RPS6KA2: variants seen among roughly 807,000 people sequenced by gnomAD.
RPS6KA2 encodes ribosomal protein S6 kinase alpha-2.
A neutral mutation model predicts 91.8 loss-of-function variants in RPS6KA2; 42 were observed. The observed-to-expected ratio is 0.46, with a 90% CI of 0.36 to 0.59. RPS6KA2 has a LOEUF of 0.59. RPS6KA2 is among the 20% of genes least tolerant of loss of function. RPS6KA2 has a pLI of 0.00. For missense variants in RPS6KA2, 798 were observed against 978.5 expected, an observed-to-expected ratio of 0.82 and a Z score of 2.46; for synonymous variants, 414 against 393.6, an observed-to-expected ratio of 1.05 and a Z score of -0.61.
intron 2 of RPS6KA2, among the ~76,000 whole-genome samples, chr6:166,808,629 A>G (rs1779552745): frequency 6.6e-6 from 1 of 152,232 alleles, no homozygotes; most frequent in South Asian, 2.1e-4. Flanking sequence ...GTCTTGCACA[A>G]AAGAACCACG....
intron 11 of RPS6KA2, among the ~76,000 whole-genome samples, chr6:166,469,375 A>T (rs1277022155): frequency 1.4e-5 from 2 of 144,512 alleles, no homozygotes; most frequent in African/African-American, 5.2e-5. Context: ...CATCAGCTTG[A>T]CTAACGATGG....
At chr6:166,469,994 G>A in intron 10 of RPS6KA2, 89 bp from the exon 11 acceptor site, 1 of 1,199,954 alleles carries the variant, frequency 8.3e-7, no homozygotes, top group Non-Finnish European at 1.2e-6. Flanking sequence ...GGGTGGGGAT[G>A]TGCAGAGGTG....
At position 166,606,172 on chromosome 6, in the gene RPS6KA2, C is replaced by T. The variant is rs931057154; in HGVS notation, c.99+20749G>A. 4.6e-5 allele frequency among the ~76,000 whole-genome samples: 7 copies of T among 152,202 alleles called. No homozygotes were observed. The South Asian group carries it at 8.3e-4, about 18-fold the overall frequency. On this transcript the variant is annotated intron_variant, in intron 1 of 20. Coordinates refer to ENST00000265678, the MANE Select transcript of RPS6KA2 (RefSeq NM_021135.6). Reference sequence around the variant, plus strand: ...TGAAAATAAAATGGTGCACACCATACAAGACTATTTAAATAGACCAGACTT... The same window carrying T: ...TGAAAATAAAATGGTGCACACCATATAAGACTATTTAAATAGACCAGACTT...
Position 166,475,712 on chromosome 6 carries a change from T to C in RPS6KA2, c.908-5807A>G, listed in dbSNP as rs950204805. 4 of 515,998 alleles carry C rather than the reference T, an allele frequency of 7.8e-6. No homozygotes were observed. The African/African-American group carries it at 7.8e-5, about 10-fold the overall frequency. 32.0% of individuals were successfully genotyped at this position (515,998 alleles called of 1,614,324 possible). A position where few individuals can be genotyped will look rare whatever the true frequency, so the allele number is the denominator to read the frequency against. On this transcript the variant is annotated intron_variant, in intron 10 of 20. Transcript: ENST00000265678. Reference sequence around the variant, plus strand: ...CACACACGAAGGCAGGGGGATTCAGTCTAGAACTCTTTTGAACGAAGACAT... The same window carrying C: ...CACACACGAAGGCAGGGGGATTCAGCCTAGAACTCTTTTGAACGAAGACAT...
At chr6:166,745,060 G>A (rs1428518595) in intron 2 of RPS6KA2, among the ~76,000 whole-genome samples, 2 of 152,092 alleles carry the variant, frequency 1.3e-5, no homozygotes, top group Non-Finnish European at 2.9e-5. Context: ...GGCTTCTAGG[G>A]GGACCTTGCT....
At chr6:166,482,931 GTTGCC>G (rs1781283856) in intron 10 of RPS6KA2, among the ~76,000 whole-genome samples, 1 of 152,172 alleles carries the variant, frequency 6.6e-6, no homozygotes, top group Non-Finnish European at 1.5e-5. Flanking sequence ...TTTTAAATTA[GTTGCC>G]TCCCAAAAGG....
At chr6:166,539,849 C>T (rs935473146) in intron 1 of RPS6KA2, among the ~76,000 whole-genome samples, 4 of 152,230 alleles carry the variant, frequency 2.6e-5, no homozygotes, top group Non-Finnish European at 5.9e-5. Flanking sequence ...TTTATCTCTG[C>T]ATTTCTCTGA....
intron 11 of RPS6KA2, chr6:166,463,656 CAG>C (rs1328738394): frequency 6.6e-6 from 1 of 152,190 alleles, no homozygotes; most frequent in East Asian, 1.9e-4. Flanking sequence ...ACATAGGAAA[CAG>C]ATGCTAGTTT....
intron 2 of RPS6KA2, among the ~76,000 whole-genome samples, chr6:166,722,424 T>G (rs528756052): frequency 1.2e-3 from 178 of 152,302 alleles, no homozygotes; most frequent in Non-Finnish European, 2.4e-3. Context: ...GCTCCCCTTA[T>G]CTTATTGTAT....
upstream of RPS6KA2, among the ~76,000 whole-genome samples, chr6:166,630,545 T>C (rs1787044713): frequency 6.6e-6 from 1 of 152,248 alleles, no homozygotes; most frequent in Admixed American, 6.5e-5. Context: ...ATCACCAGGG[T>C]CACCTGGTGC....
intron 10 of RPS6KA2, among the ~76,000 whole-genome samples, chr6:166,481,981 T>G (rs563790258): frequency 1.3e-5 from 2 of 151,592 alleles, no homozygotes; most frequent in Non-Finnish European, 2.9e-5. Flanking sequence ...GATGGCAGAC[T>G]GCACGTATAC....
intron 20 of RPS6KA2, 30 bp downstream of exon 20, chr6:166,413,764 C>T: frequency 1.2e-6 from 2 of 1,610,148 alleles, no homozygotes; most frequent in East Asian, 2.2e-5. Context: ...CCATTCCCAC[C>T]ACTCTGTCCT....
chr6:166,557,097 C>A lies in RPS6KA2; in HGVS notation c.100-18313G>T, dbSNP rs895499476. The stretch of plus-strand genomic sequence containing the variant: ...GCCTCGCCAAACACGTTTTCTCTTC[C>A]TGTTACCCAGTGCCAAGTGGCTGTG... On this transcript the variant is annotated intron_variant, in intron 1 of 20. Transcript: ENST00000265678. This position sits in a 1 kb window ranked among gnomAD's most constrained non-coding sequence, Gnocchi z 4.8. 2.6e-5 allele frequency among the ~76,000 whole-genome samples: 4 copies of A among 152,226 alleles called. No homozygotes were observed. The highest frequency in any genetic ancestry group is 9.6e-5 in the African/African-American group (4 of 41,462).
intron 1 of RPS6KA2, among the ~76,000 whole-genome samples, chr6:166,592,212 A>G (rs6907098): frequency 0.14 from 21,488 of 152,176 alleles, 1,807 homozygotes; most frequent in East Asian, 0.26. Context: ...AGGGTCATGG[A>G]GAAATCAACA....
chr6:166,672,395 G>A, intron 2 of RPS6KA2, among the ~76,000 whole-genome samples: 1 of 152,138 alleles, frequency 6.6e-6, no homozygotes, highest in East Asian at 1.9e-4. Context: ...GTCAACCCAC[G>A]GATGCTAATT....
Position 166,849,403 on chromosome 6 carries a change from C to T in RPS6KA2, c.123+8797G>A, listed in dbSNP as rs73788169. ...TGCGAGGATGCTAAAATATAAGATT[C>T]GTGCTGTCTTCTTTTTCATAGAATC... On this transcript the variant is annotated intron_variant, in intron 2 of 21. Transcript: ENST00000503859. The surrounding 1 kb of genome is among the most constrained non-coding windows in gnomAD (Gnocchi z 4.9). Among the ~76,000 whole-genome samples the T allele has an allele frequency of 0.02, 3,039 of 152,234 alleles. 95 individuals carry two copies. The highest frequency in any genetic ancestry group is 0.07 in the African/African-American group (2,891 of 41,524).
intron 2 of RPS6KA2, among the ~76,000 whole-genome samples, chr6:166,750,523 T>C (rs1427976945): frequency 2.0e-5 from 3 of 152,210 alleles, no homozygotes; most frequent in Admixed American, 6.5e-5. Flanking sequence ...GGCTCTGCGC[T>C]TGCTGGCCCA....
intron 2 of RPS6KA2, chr6:166,702,492 G>C (rs1203332113): frequency 6.3e-7 from 1 of 1,578,010 alleles, no homozygotes; most frequent in African/African-American, 1.3e-5. Flanking sequence ...CAGTTTCCGA[G>C]TCAGTGTTCA....
In RPS6KA2 at chr6:166,533,579, G is replaced by A. The variant is rs998653606; in HGVS notation, c.217-2266C>T. Among the ~76,000 whole-genome samples, 3 of 152,216 alleles carry A rather than the reference G, an allele frequency of 2.0e-5. No individual in the cohort carries two copies. Among genetic ancestry groups the A allele is most frequent in the African/African-American group, 2.4e-5 (1 of 41,452 alleles). On this transcript the variant is annotated intron_variant, in intron 2 of 20. Transcript: ENST00000265678. This position sits in a 1 kb window ranked among gnomAD's most constrained non-coding sequence, Gnocchi z 4.0. The stretch of plus-strand genomic sequence containing the variant: ...AGGCAATGAAGAGCAGGTGCAAAAC[G>A]TTCCAGCTGCCACTCCCTGCTGTGG...
Sources: gnomAD v4.1 joint callset for allele counts (sites outside exome capture counted in the v4.1 genomes callset) on GRCh38, gnomAD v4.1.1 for gene constraint, Gnocchi (gnomAD v3.1) non-coding constraint, MANE v1.5 for transcripts, NCBI Gene and HGNC (gene_info 2026-07-23, HGNC 2026-07-21) for gene names.